CNTLN: variants seen among roughly 807,000 people sequenced by gnomAD.
CNTLN encodes the protein centlein, also known as centlein, centrosomal protein.
Under a neutral mutation model 180.0 loss-of-function variants are expected in CNTLN, and 212 were observed. That is an observed-to-expected ratio of 1.18 (90% CI 1.05 to 1.32). The LOEUF is 1.32. CNTLN is among the 40% of genes most tolerant of loss of function. CNTLN has a pLI of 0.00. For missense variants in CNTLN, 2,095 were observed against 1,610.9 expected (o/e 1.30, Z -5.14); for synonymous variants, 722 against 563.1 (o/e 1.28, Z -3.99).
intron 2 of CNTLN, among the ~76,000 whole-genome samples, chr9:17,151,945 C>T (rs755838510): frequency 2.0e-4 from 31 of 152,154 alleles, no homozygotes; most frequent in East Asian, 1.3e-3. Flanking sequence ...AGTTTATTTG[C>T]GTAGAGGTGT....
At chr9:17,283,045 C>T (rs200404470) in intron 6 of CNTLN, among the ~76,000 whole-genome samples, 33 of 151,960 alleles carry the variant, frequency 2.2e-4, no homozygotes, top group African/African-American at 6.5e-4. Flanking sequence ...TTGTTCTTTT[C>T]GCTTAGGATT....
At chr9:17,418,427 T>G (rs1442516) in intron 18 of CNTLN, among the ~76,000 whole-genome samples, 46,202 of 151,796 alleles carry the variant, frequency 0.3, 7,833 homozygotes, top group South Asian at 0.53. Flanking sequence ...CTTTCTGGGC[T>G]CTAACATAAT....
chr9:17,136,578 C>G (rs975480988), intron 1 of CNTLN, among the ~76,000 whole-genome samples: 1 of 152,234 alleles, frequency 6.6e-6, no homozygotes, highest in African/African-American at 2.4e-5. Context: ...GTCCGCCAGC[C>G]TTGGCCTTCC....
chr9:17,343,160 C>G lies in CNTLN; in HGVS notation c.1886+716C>G, dbSNP rs191682878. 6.6e-5 allele frequency among the ~76,000 whole-genome samples: 10 copies of G among 152,326 alleles called. No homozygotes were observed. In the East Asian group the frequency reaches 1.5e-3, roughly 24 times the overall value. ...GAAAACATACAGTTGGTCGCTTGAT[C>G]TTATAATTCACAGGCTATTATATTC... is the stretch of plus-strand genomic sequence containing the variant. On this transcript the variant is annotated intron_variant, in intron 12 of 25. Coordinates refer to ENST00000380647, the MANE Select transcript of CNTLN (RefSeq NM_017738.4).
intron 2 of CNTLN, among the ~76,000 whole-genome samples, chr9:17,163,037 C>CA (rs2131597135): frequency 6.6e-6 from 1 of 152,296 alleles, no homozygotes; most frequent in East Asian, 1.9e-4. Flanking sequence ...TGGGAGACCT[C>CA]ACAGTCATGG....
chr9:17,279,949 C>G (rs1484290696), intron 6 of CNTLN, among the ~76,000 whole-genome samples: 1 of 149,158 alleles, frequency 6.7e-6, no homozygotes, highest in Admixed American at 6.7e-5. Flanking sequence ...GAGACCTGAG[C>G]TAGTATGCTC....
At chr9:17,464,474 A>T (rs1831629393) in intron 20 of CNTLN, 23 bp from the exon 21 acceptor site, 3 of 1,530,168 alleles carry the variant, frequency 2.0e-6, no homozygotes, top group Non-Finnish European at 2.6e-6. Flanking sequence ...GTCACTCTTG[A>T]TGTCACCTTT....
chr9:17,197,652 T>C lies in CNTLN; in HGVS notation c.450-28551T>C, dbSNP rs149669087. Among the ~76,000 whole-genome samples the C allele has an allele frequency of 1.9e-3, 297 of 152,336 alleles. 3 individuals carry two copies. Among genetic ancestry groups the C allele is most frequent in the Middle Eastern group, 3.4e-3 (1 of 294 alleles). ...GGTTATTAATCCATTGTCAGATGAG[T>C]AGTTTGCAGATATTGTCTCCTATTC... is the stretch of plus-strand genomic sequence containing the variant. On this transcript the variant is annotated intron_variant, in intron 2 of 25. Coordinates refer to ENST00000380647, the MANE Select transcript of CNTLN (RefSeq NM_017738.4).
At chr9:17,143,241 C>T in intron 1 of CNTLN, 47 bp from the exon 2 acceptor site, 1 of 1,310,950 alleles carries the variant, frequency 7.6e-7, no homozygotes, top group Non-Finnish European at 1.1e-6. Flanking sequence ...TCTTATTTCA[C>T]TACCACTACA....
Position 17,388,199 on chromosome 9 carries a change from G to A in CNTLN, c.2025G>A (p.Lys675=). The A allele has an allele frequency of 6.2e-7, 1 of 1,612,490 alleles. No homozygotes were observed. Among genetic ancestry groups the A allele is most frequent in the Non-Finnish European group, 8.5e-7 (1 of 1,178,928 alleles). The change falls in exon 14 of 26, where the codon AAG becomes AAA. Residue 675 remains lysine (K), a synonymous_variant. Coordinates refer to ENST00000380647, the MANE Select transcript of CNTLN (RefSeq NM_017738.4). ...LFRSGEDDEV[K]RSTPEKNGKE... ...GATCTGGTGAAGATGATGAGGTCAAGAGGAGTACTCCAGAGAAGAATGGAA... is the reference window on the plus strand; with the variant it reads ...GATCTGGTGAAGATGATGAGGTCAAAAGGAGTACTCCAGAGAAGAATGGAA...
At position 17,390,235 on chromosome 9, in the gene CNTLN, CTTTTTTT is replaced by C. The variant is rs35329298; in HGVS notation, c.2079+1997_2079+2003del. ...TGTATTTCAGTTTTGAAAAGAGCCT[CTTTTTTT>C]TTTTTTTTTTTTTTGGAGACAGAGT... On this transcript the variant is annotated intron_variant, in intron 14 of 25. Transcript: ENST00000380647. 1.3e-4 allele frequency among the ~76,000 whole-genome samples: 10 copies of C among 77,408 alleles called. No homozygotes were observed. In the East Asian group the frequency reaches 1.6e-3, roughly 13 times the overall value. The allele number at this position is 77,408 out of a possible 152,430, so 50.8% of individuals were successfully genotyped here.
intron 13 of CNTLN, among the ~76,000 whole-genome samples, chr9:17,377,817 A>T (rs1824903858): frequency 6.6e-6 from 1 of 152,178 alleles, no homozygotes; most frequent in Non-Finnish European, 1.5e-5. Context: ...CCTGCTGTGG[A>T]TGTCACTTGC....
chr9:17,193,638 A>T (rs1587085568), intron 2 of CNTLN, among the ~76,000 whole-genome samples: 1 of 152,082 alleles, frequency 6.6e-6, no homozygotes, highest in Non-Finnish European at 1.5e-5. Flanking sequence ...AGCTGCCTTC[A>T]CGGGCTGGCA....
intron 23 of CNTLN, among the ~76,000 whole-genome samples, chr9:17,475,070 G>C (rs1426589152): frequency 6.6e-6 from 1 of 151,954 alleles, no homozygotes; most frequent in Non-Finnish European, 1.5e-5. Context: ...TGACTTTCTT[G>C]CTCTTTTTTG....
chr9:17,315,057 TA>T (rs1488043127), intron 8 of CNTLN, among the ~76,000 whole-genome samples: 12 of 152,322 alleles, frequency 7.9e-5, no homozygotes, highest in Middle Eastern at 3.4e-3. Flanking sequence ...CAATTTCATT[TA>T]GAATTTTTAC....
intron 11 of CNTLN, among the ~76,000 whole-genome samples, chr9:17,341,956 A>C (rs73424119): frequency 0.012 from 1,819 of 152,252 alleles, 39 homozygotes; most frequent in African/African-American, 0.041. Flanking sequence ...TCTGTACCAC[A>C]TTCATCTTGG....
intron 22 of CNTLN, 53 bp downstream of exon 22, chr9:17,466,171 G>A: frequency 1.3e-6 from 2 of 1,500,084 alleles, no homozygotes; most frequent in Non-Finnish European, 1.8e-6. Flanking sequence ...AATCGTGTTT[G>A]TTTCATTTTT....
intron 7 of CNTLN, chr9:17,301,649 C>G: frequency 3.1e-6 from 3 of 974,528 alleles, no homozygotes; most frequent in Non-Finnish European, 3.7e-6. Context: ...GTTTTAGATG[C>G]TTGTAGTTGT....
At chr9:17,435,416 T>G (rs1385995643) in intron 18 of CNTLN, among the ~76,000 whole-genome samples, 1 of 152,110 alleles carries the variant, frequency 6.6e-6, no homozygotes, top group Non-Finnish European at 1.5e-5. Context: ...AAACGGTACC[T>G]TTTAAACTTT....
Sources: allele counts gnomAD v4.1 joint callset (sites outside exome capture counted in the v4.1 genomes callset), GRCh38; gene constraint gnomAD v4.1.1; transcripts MANE v1.5; gene names NCBI Gene and HGNC (gene_info 2026-07-23, HGNC 2026-07-21).